Variants in ZNF148 observed in about 807,000 individuals in gnomAD.
ZNF148 encodes Beta-Enolase Repressor Factor-1.
A neutral mutation model predicts 67.7 loss-of-function variants in ZNF148; 7 were observed. That is an observed-to-expected ratio of 0.10 (90% CI 0.06 to 0.19). The LOEUF is 0.19. Ranked by LOEUF, ZNF148 falls within the 10% of genes least tolerant of loss-of-function variation. ZNF148 has a pLI of 1.00. For missense variants in ZNF148, 583 were observed against 947.1 expected (o/e 0.62, Z 5.05); for synonymous variants, 333 against 330.7 (o/e 1.01, Z -0.08).
intron 2 of ZNF148, among the ~76,000 whole-genome samples, chr3:125,330,245 G>C (rs949460712): frequency 6.6e-6 from 1 of 151,812 alleles, no homozygotes; most frequent in Non-Finnish European, 1.5e-5. Context: ...CGGATGGATT[G>C]CTTGAGCTCA....
intron 1 of ZNF148, among the ~76,000 whole-genome samples, chr3:125,359,269 G>A (rs1579900228): frequency 6.6e-6 from 1 of 152,236 alleles, no homozygotes; most frequent in Non-Finnish European, 1.5e-5. Context: ...GGAAGAAAGT[G>A]ATGAAAGCCC....
chr3:125,288,272 T>C, intron 4 of ZNF148, 44 bp from the exon 5 acceptor site: 1 of 1,561,292 alleles, frequency 6.4e-7, no homozygotes, highest in Non-Finnish European at 8.6e-7. Flanking sequence ...AAATAAAAAG[T>C]TCATTGTGAC....
chr3:125,312,579 G>A (rs1466954590), intron 4 of ZNF148, among the ~76,000 whole-genome samples: 1 of 152,130 alleles, frequency 6.6e-6, no homozygotes, highest in Admixed American at 6.5e-5. Flanking sequence ...CTATCTAGAG[G>A]TTATAAAACA....
At chr3:125,337,102 A>C (rs1365520867) in intron 1 of ZNF148, among the ~76,000 whole-genome samples, 1 of 152,050 alleles carries the variant, frequency 6.6e-6, no homozygotes, top group Non-Finnish European at 1.5e-5. Context: ...AGAAAATCCT[A>C]CAAAGGAGCA....
rs1301562216 is a variant in ZNF148 at position 125,292,222 on chromosome 3, C to T, written c.334-3994G>A. The stretch of plus-strand genomic sequence containing the variant: ...TGTGAATCACGAACTATATCTGTCC[C>T]GTTTGCCTGATCCATGACCGCATGC... On this transcript the variant is annotated intron_variant, in intron 4 of 8. Coordinates refer to ENST00000360647, the MANE Select transcript of ZNF148 (RefSeq NM_021964.3). 2.6e-5 allele frequency among the ~76,000 whole-genome samples: 4 copies of T among 152,090 alleles called. 1 individual carries two copies. Among genetic ancestry groups the T allele is most frequent in the Non-Finnish European group, 4.4e-5 (3 of 68,016 alleles).
At chr3:125,324,912 TCTTTTGCCAGATACA>T (rs1940953703) in intron 2 of ZNF148, among the ~76,000 whole-genome samples, 1 of 152,228 alleles carries the variant, frequency 6.6e-6, no homozygotes, top group South Asian at 2.1e-4. Context: ...CATGTATATC[TCTTTTGCCAGATACA>T]CTTTTGTGCA....
At chr3:125,270,181 G>A (rs1937654979) in intron 7 of ZNF148, among the ~76,000 whole-genome samples, 1 of 151,994 alleles carries the variant, frequency 6.6e-6, no homozygotes. Context: ...GTAATTAAGA[G>A]TAAACTGAGT....
intron 1 of ZNF148, among the ~76,000 whole-genome samples, chr3:125,350,439 G>A (rs1041369332): frequency 1.1e-4 from 17 of 152,268 alleles, no homozygotes; most frequent in African/African-American, 4.1e-4. Flanking sequence ...CCCAGGTGCT[G>A]GGATAACAGG....
chr3:125,310,827 T>G (rs894967799), intron 4 of ZNF148: 1 of 168,082 alleles, frequency 5.9e-6, no homozygotes, highest in Non-Finnish European at 1.3e-5. Flanking sequence ...TTTGCACTAC[T>G]AAAATGGACA....
chr3:125,232,520 G>C lies in ZNF148; in HGVS notation c.2206C>G (p.Pro736Ala), dbSNP rs1404739882. The change falls in exon 9 of 9, where the codon CCC becomes GCC. Residue 736 changes from proline to alanine, a missense_variant. Physicochemically the swap from Pro to Ala is conservative, Grantham distance 27 (BLOSUM62 -1). This residue lies in a region of ZNF148 where 158 missense variants were observed against 208.4 expected (regional missense o/e 0.76). Coordinates refer to ENST00000360647, the MANE Select transcript of ZNF148 (RefSeq NM_021964.3). The surrounding 1 kb of genome is among the most constrained non-coding windows in gnomAD (Gnocchi z 4.2). Reference sequence around the variant, plus strand: ...ATTCCAGCTCTTGATCCATGATAGGGAGCACGGAAGGGCTGTTCAAAGGAG... The same window carrying C: ...ATTCCAGCTCTTGATCCATGATAGGCAGCACGGAAGGGCTGTTCAAAGGAG... ...MSSFEQPFRA[P>A]YHGSRAGIAT... 1 of 1,613,660 alleles carries C rather than the reference G, an allele frequency of 6.2e-7. No individual in the cohort carries two copies. The highest frequency in any genetic ancestry group is 8.5e-7 in the Non-Finnish European group (1 of 1,179,736).
At chr3:125,234,070 G>T in intron 8 of ZNF148, 131 bp from the exon 9 acceptor site, 1 of 1,302,876 alleles carries the variant, frequency 7.7e-7, no homozygotes, top group Non-Finnish European at 1.0e-6. Context: ...CAAATTCACT[G>T]AGCCAATTTT....
intron 4 of ZNF148, among the ~76,000 whole-genome samples, chr3:125,304,228 G>C (rs1939750500): frequency 6.6e-6 from 1 of 152,110 alleles, no homozygotes; most frequent in South Asian, 2.1e-4. Flanking sequence ...AGCAGGGTGA[G>C]GTGGTTCTCC....
intron 1 of ZNF148, among the ~76,000 whole-genome samples, chr3:125,334,951 A>G (rs1264621088): frequency 6.6e-6 from 1 of 152,042 alleles, no homozygotes; most frequent in Non-Finnish European, 1.5e-5. Context: ...TGTCTGGAAC[A>G]CTCTTCCTTG....
chr3:125,339,818 T>A (rs575923166), intron 1 of ZNF148, among the ~76,000 whole-genome samples: 1 of 152,304 alleles, frequency 6.6e-6, no homozygotes, highest in South Asian at 2.1e-4. Context: ...TAAAAATAAA[T>A]TTTAAGTTCA....
intron 1 of ZNF148, among the ~76,000 whole-genome samples, chr3:125,339,211 A>T (rs567039678): frequency 2.6e-5 from 4 of 152,300 alleles, no homozygotes; most frequent in Admixed American, 2.6e-4. Context: ...TACGGTGAAC[A>T]TGTTCTTATT....
intron 7 of ZNF148, among the ~76,000 whole-genome samples, chr3:125,243,245 T>C (rs1446093594): frequency 6.6e-6 from 1 of 152,194 alleles, no homozygotes; most frequent in Non-Finnish European, 1.5e-5. Flanking sequence ...TTCTCATTGA[T>C]ATTGTGAAAA....
At chr3:125,273,294 AAG>A (rs1435067037) in intron 7 of ZNF148, among the ~76,000 whole-genome samples, 3 of 152,204 alleles carry the variant, frequency 2.0e-5, no homozygotes, top group Non-Finnish European at 2.9e-5. Flanking sequence ...TAAAGAGAAA[AAG>A]AGGACTGCTG....
chr3:125,371,986 C>T (rs767490685), intron 1 of ZNF148, among the ~76,000 whole-genome samples: 6 of 150,608 alleles, frequency 4.0e-5, no homozygotes, highest in Non-Finnish European at 8.8e-5. Flanking sequence ...ATGGCGTGAA[C>T]CTGGGAGGCA....
At chr3:125,358,083 G>A (rs1437224613) in intron 1 of ZNF148, among the ~76,000 whole-genome samples, 1 of 152,174 alleles carries the variant, frequency 6.6e-6, no homozygotes, top group Non-Finnish European at 1.5e-5. Context: ...AGGCTGAGGC[G>A]AGCGGATCAC....
Sources: allele counts gnomAD v4.1 joint callset (sites outside exome capture counted in the v4.1 genomes callset), GRCh38; gene constraint gnomAD v4.1.1; regional missense constraint gnomAD v4.1.1; non-coding constraint Gnocchi (gnomAD v3.1); transcripts MANE v1.5; gene names NCBI Gene and HGNC (gene_info 2026-07-23, HGNC 2026-07-21).